MAST3: variants seen among roughly 807,000 people sequenced by gnomAD.
MAST3 encodes the protein microtubule-associated serine/threonine-protein kinase 3.
In MAST3, 43 loss-of-function variants were observed where a neutral mutation model predicts 127.0. The ratio of observed to expected loss-of-function variants is 0.34; its 90% confidence interval spans 0.27 to 0.44. The LOEUF is 0.44. Among genes scored for constraint, MAST3 ranks in the 20% least tolerant of loss-of-function variants. MAST3 has a pLI of 1.00. For missense variants in MAST3, 1,390 were observed against 1,919.1 expected (o/e 0.72, Z 5.15); for synonymous variants, 785 against 809.2 (o/e 0.97, Z 0.51).
At chr19:18,104,112 G>A (rs945449354) in intron 1 of MAST3, among the ~76,000 whole-genome samples, 1 of 146,456 alleles carries the variant, frequency 6.8e-6, no homozygotes, top group South Asian at 2.1e-4. Context: ...CTCTGGAGGC[G>A]GAGGTTGCAG....
rs1389529733 is a variant in MAST3, at chr19:18,110,645, T to C, written c.72-7T>C. ...AGGTTCACCGTCCCCGGCCTCTTTC[T>C]TTGCAGTCTGTCTCCGAGCAGCCAG... On this transcript the variant is annotated splice_region_variant and splice_polypyrimidine_tract_variant and intron_variant, in intron 2 of 27. Transcript: ENST00000687212. The surrounding 1 kb of genome is among the most constrained non-coding windows in gnomAD (Gnocchi z 4.3). 7 of 985,172 alleles carry C rather than the reference T, an allele frequency of 7.1e-6. No homozygotes were observed. In the Admixed American group the frequency reaches 4.3e-4, roughly 61 times the overall value. The allele number at this position is 985,172 out of a possible 1,614,324, so 61.0% of individuals were successfully genotyped here. A position where few individuals can be genotyped will look rare whatever the true frequency, so the allele number is the denominator to read the frequency against.
chr19:18,146,860 C>T, intron 25 of MAST3, 21 bp from the exon 26 acceptor site: 4 of 1,536,200 alleles, frequency 2.6e-6, no homozygotes, highest in Non-Finnish European at 3.5e-6. Context: ...CAGAGGCAAC[C>T]CCTCACCATC....
intron 1 of MAST3, among the ~76,000 whole-genome samples, chr19:18,099,983 T>C (rs1327478592): frequency 6.6e-6 from 1 of 151,784 alleles, no homozygotes; most frequent in Non-Finnish European, 1.5e-5. Context: ...TCTGGAGGGC[T>C]AGGAGCAGGA....
rs776661078 is a variant in MAST3 at position 18,100,128 on chromosome 19, C to CTCTTTTTTTTTTTTTTTTTTTTTTTT, written c.39+2298_39+2299insCTTTTTTTTTTTTTTTTTTTTTTTTT. Among the ~76,000 whole-genome samples the CTCTTTTTTTTTTTTTTTTTTTTTTTT allele has an allele frequency of 4.8e-4, 59 of 121,682 alleles. 3 individuals are homozygous for CTCTTTTTTTTTTTTTTTTTTTTTTTT. Among genetic ancestry groups the CTCTTTTTTTTTTTTTTTTTTTTTTTT allele is most frequent in the Non-Finnish European group, 7.6e-4 (43 of 56,438 alleles). 79.8% of individuals were successfully genotyped at this position (121,682 alleles called of 152,430 possible). On this transcript the variant is annotated intron_variant, in intron 1 of 27. Transcript: ENST00000687212. ...GGCAGAAGGATCTCTCTCTCTCTCT[C>CTCTTTTTTTTTTTTTTTTTTTTTTTT]TTTTTTTTTTTTTTGAGAAAGAATC...
intron 1 of MAST3, among the ~76,000 whole-genome samples, chr19:18,103,688 T>C (rs562708342): frequency 6.6e-6 from 1 of 152,304 alleles, no homozygotes; most frequent in Non-Finnish European, 1.5e-5. Flanking sequence ...TACTCATTGA[T>C]TCCTCCAGGG....
Position 18,149,215 on chromosome 19 carries a change from C to T in MAST3, c.3533C>T (p.Ala1178Val), listed in dbSNP as rs2043340312. 3 of 1,548,980 alleles carry T rather than the reference C, an allele frequency of 1.9e-6. No individual in the cohort carries two copies. The highest frequency in any genetic ancestry group is 2.6e-6 in the Non-Finnish European group (3 of 1,151,088). ...PADTTASPPS[A>V]SPSSSSPASP... ...GATACCACTGCATCCCCACCCAGCG[C>T]ATCCCCGAGCTCCAGCAGCCCCGCC... Residue 1178 changes from alanine (A) to valine (V), a missense_variant, in exon 28 of 28, where the codon GCA becomes GTA. Ala to Val is a moderately conservative substitution (Grantham distance 64, BLOSUM62 0). Transcript: ENST00000687212. This position sits in a 1 kb window ranked among gnomAD's most constrained non-coding sequence, Gnocchi z 5.9.
In MAST3 at chr19:18,151,177, C is replaced by G. The variant is rs2043497908; in HGVS notation, c.*1451C>G. On this transcript the variant is annotated 3_prime_UTR_variant, in exon 28 of 28. Transcript: ENST00000687212. The stretch of plus-strand genomic sequence containing the variant: ...TGTGTGGCTCTGGGAAAATGGCTTT[C>G]CCACTCTGTGCCTCAGTTTCCTTGT... 1 of 152,242 alleles carries G rather than the reference C, an allele frequency of 6.6e-6. No individual in the cohort carries two copies. Among genetic ancestry groups the G allele is most frequent in the Non-Finnish European group, 1.5e-5 (1 of 68,056 alleles). The allele number at this position is 152,242 out of a possible 1,614,324, so 9.4% of individuals were successfully genotyped here.
intron 11 of MAST3, among the ~76,000 whole-genome samples, 158 bp downstream of exon 11, chr19:18,124,932 C>CCCT (rs386388671): frequency 7.5e-4 from 12 of 15,944 alleles, no homozygotes; most frequent in Admixed American, 7.1e-3. Context: ...ATGGTGGAAA[C>CCCT]CCCCCCCCTA....
chr19:18,128,607 T>C (rs2040923420), intron 12 of MAST3, 149 bp downstream of exon 12: 12 of 861,106 alleles, frequency 1.4e-5, no homozygotes, highest in Non-Finnish European at 2.2e-5. Context: ...CACGTGGGAC[T>C]GCCCTGCCTT....
chr19:18,139,145 G>C (rs1382231673), intron 20 of MAST3, 21 bp downstream of exon 20: 3 of 1,514,288 alleles, frequency 2.0e-6, no homozygotes, highest in African/African-American at 2.8e-5. Context: ...GTCCCGAGGG[G>C]AGCCACTGCT....
In MAST3 at chr19:18,131,782, A is replaced by G. The variant is rs1599807357; in HGVS notation, c.1433-127A>G. The G allele has an allele frequency of 2.9e-6, 3 of 1,020,998 alleles. No individual in the cohort carries two copies. In the East Asian group the frequency reaches 7.8e-5, roughly 27 times the overall value. 63.2% of individuals were successfully genotyped at this position (1,020,998 alleles called of 1,614,324 possible). ...CTCCCCCGACCCTCCCCGCTGAGAT[A>G]GAACAAACTGGGGACCTTTTGCAGG... On this transcript the variant is annotated intron_variant, in intron 14 of 27. Coordinates refer to ENST00000687212, the MANE Select transcript of MAST3 (RefSeq NM_001393504.1).
chr19:18,126,298 A>C (rs1235309285), intron 11 of MAST3, among the ~76,000 whole-genome samples: 1 of 152,192 alleles, frequency 6.6e-6, no homozygotes, highest in Non-Finnish European at 1.5e-5. Context: ...ACTTGGACCT[A>C]GCCTGGTCCA....
chr19:18,107,721 C>A (rs1165879137), intron 2 of MAST3, 103 bp downstream of exon 2: 4 of 1,183,566 alleles, frequency 3.4e-6, no homozygotes, highest in African/African-American at 3.1e-5. Flanking sequence ...ATAATTACAG[C>A]AACACATCTC....
At position 18,146,925 on chromosome 19, in the gene MAST3, C is replaced by T; in HGVS notation, c.3207C>T (p.Thr1069=). 2 of 1,557,988 alleles carry T rather than the reference C, an allele frequency of 1.3e-6. No individual in the cohort carries two copies. The highest frequency in any genetic ancestry group is 1.7e-6 in the Non-Finnish European group (2 of 1,150,686). Residue 1069 remains threonine (T), a synonymous_variant, in exon 26 of 28, where the codon ACC becomes ACT. Transcript: ENST00000687212. The part of the protein sequence containing the change: ...ISLRTTALEN[T]SIKVGPARKN... ...TGCGGACCACAGCCCTGGAGAACAC[C>T]TCCATCAAGGTGGGCCCCGCCCGGA...
At chr19:18,107,069 G>A (rs1304656571) in intron 1 of MAST3, among the ~76,000 whole-genome samples, 8 of 143,058 alleles carry the variant, frequency 5.6e-5, no homozygotes, top group African/African-American at 2.1e-4. Flanking sequence ...ATCCGCCTTG[G>A]CCTCCCAAAG....
Position 18,134,499 on chromosome 19 carries a change from C to T in MAST3, c.1572-80C>T, listed in dbSNP as rs949312946. The T allele has an allele frequency of 1.1e-5, 16 of 1,490,296 alleles. No homozygotes were observed. In the East Asian group the frequency reaches 1.2e-4, roughly 11 times the overall value. The allele number at this position is 1,490,296 out of a possible 1,614,324, so 92.3% of individuals were successfully genotyped here. ...GAGGCAGAGCTCTGCCCATCTCAGG[C>T]GGAGCCAAGGTCTAGGGCAGAAGGG... On this transcript the variant is annotated intron_variant, in intron 15 of 27. Coordinates refer to ENST00000687212, the MANE Select transcript of MAST3 (RefSeq NM_001393504.1).
chr19:18,138,578 A>G (rs1359989016), intron 19 of MAST3, among the ~76,000 whole-genome samples: 1 of 152,010 alleles, frequency 6.6e-6, no homozygotes, highest in Non-Finnish European at 1.5e-5. Context: ...ACTCACCACA[A>G]CCTCTGCCTC....
In MAST3 at chr19:18,113,466, T is replaced by C. The variant is rs116286725; in HGVS notation, c.161+2725T>C. ...ACTCAGCTAACATTTGGGTGGTTTTTTTTGTTTGTTTGAGACGGAGTTTTC... is the reference window on the plus strand; with the variant it reads ...ACTCAGCTAACATTTGGGTGGTTTTCTTTGTTTGTTTGAGACGGAGTTTTC... On this transcript the variant is annotated intron_variant, in intron 3 of 27. Coordinates refer to ENST00000687212, the MANE Select transcript of MAST3 (RefSeq NM_001393504.1). Among the ~76,000 whole-genome samples, 806 of 152,022 alleles carry C rather than the reference T, an allele frequency of 5.3e-3. 5 individuals carry two copies. The highest frequency in any genetic ancestry group is 0.016 in the African/African-American group (681 of 41,460).
intron 17 of MAST3, 102 bp downstream of exon 17, chr19:18,135,084 G>C (rs1210439526): frequency 7.1e-7 from 1 of 1,411,794 alleles, no homozygotes; most frequent in East Asian, 2.3e-5. Flanking sequence ...GAAGAGGGGA[G>C]GGAGTTGGAT....
Sources: allele counts gnomAD v4.1 joint callset (sites outside exome capture counted in the v4.1 genomes callset), GRCh38; gene constraint gnomAD v4.1.1; non-coding constraint Gnocchi (gnomAD v3.1); transcripts MANE v1.5; gene names NCBI Gene and HGNC (gene_info 2026-07-23, HGNC 2026-07-21).